The following MGAT4C variants were observed in gnomAD, a reference collection of about 807,000 sequenced individuals.
MGAT4C encodes the protein MGAT4 family member C.
In MGAT4C, 19 loss-of-function variants were observed where a neutral mutation model predicts 40.1. That is an observed-to-expected ratio of 0.47 (90% CI 0.33 to 0.70). The LOEUF (loss-of-function observed/expected upper bound fraction) is 0.70. Ranked by LOEUF, MGAT4C falls within the 30% of genes least tolerant of loss-of-function variation. The pLI is 0.02. For synonymous variants in MGAT4C, 181 were observed against 187.1 expected, an observed-to-expected ratio of 0.97 and a Z score of 0.27; for missense variants, 491 against 563.2, an observed-to-expected ratio of 0.87 and a Z score of 1.30.
chr12:86,524,896 G>T (rs928661704), intron 2 of MGAT4C, among the ~76,000 whole-genome samples: 5 of 152,050 alleles, frequency 3.3e-5, no homozygotes, highest in African/African-American at 9.7e-5. Flanking sequence ...CTCTTATAGT[G>T]TGTTTTCAGC....
chr12:86,159,661 C>T (rs188072297), intron 1 of MGAT4C, among the ~76,000 whole-genome samples: 6 of 151,976 alleles, frequency 3.9e-5, no homozygotes, highest in Admixed American at 1.3e-4. Flanking sequence ...TGAACCAGGG[C>T]TTTCGTTATG....
intron 1 of MGAT4C, among the ~76,000 whole-genome samples, chr12:86,814,729 C>A (rs1477408568): frequency 3.3e-5 from 5 of 151,820 alleles, no homozygotes; most frequent in African/African-American, 1.2e-4. Flanking sequence ...GGAAGAAGCC[C>A]TCTTGAATGG....
At chr12:86,818,892 A>C (rs1200994904) in intron 1 of MGAT4C, among the ~76,000 whole-genome samples, 4 of 151,106 alleles carry the variant, frequency 2.6e-5, no homozygotes, top group African/African-American at 9.7e-5. Flanking sequence ...TAATTATATG[A>C]ATGGTAAATA....
chr12:86,211,956 C>T (rs1390194813), intron 1 of MGAT4C, among the ~76,000 whole-genome samples: 1 of 152,102 alleles, frequency 6.6e-6, no homozygotes, highest in Non-Finnish European at 1.5e-5. Context: ...TGCTGGACAG[C>T]TTAGGAGTTG....
intron 2 of MGAT4C, among the ~76,000 whole-genome samples, chr12:86,702,127 T>G (rs1027489102): frequency 1.3e-5 from 2 of 151,680 alleles, no homozygotes; most frequent in Admixed American, 1.3e-4. Context: ...GCTTAAGAGA[T>G]CCTCCCACCT....
At chr12:86,209,695 G>T (rs906562246) in intron 1 of MGAT4C, among the ~76,000 whole-genome samples, 1 of 152,032 alleles carries the variant, frequency 6.6e-6, no homozygotes, top group African/African-American at 2.4e-5. Flanking sequence ...TCAAAGGCAG[G>T]CCTAGTCATT....
intron 2 of MGAT4C, among the ~76,000 whole-genome samples, chr12:86,684,739 T>C (rs1252304387): frequency 1.3e-5 from 2 of 152,206 alleles, no homozygotes; most frequent in East Asian, 3.9e-4. Context: ...TGGCATGAGA[T>C]GGTATCTCAT....
intron 2 of MGAT4C, among the ~76,000 whole-genome samples, chr12:86,625,967 G>C (rs1194853945): frequency 6.6e-6 from 1 of 151,980 alleles, no homozygotes; most frequent in Non-Finnish European, 1.5e-5. Flanking sequence ...AAAAAACCAA[G>C]ACCCACCTAT....
rs116336773 is a variant in MGAT4C at position 86,519,808 on chromosome 12, C to T, written c.-228-84543G>A. Among the ~76,000 whole-genome samples, 854 of 152,196 alleles carry T rather than the reference C, an allele frequency of 5.6e-3. 3 individuals are homozygous for T. The highest frequency in any genetic ancestry group is 0.02 in the African/African-American group (819 of 41,522). On this transcript the variant is annotated intron_variant, in intron 2 of 7. Coordinates refer to the MGAT4C transcript ENST00000548651. ...CTTTATATATTCTGGTTATTAATCC[C>T]ATATCCAACAGATAGTTTGTAAATA...
intron 2 of MGAT4C, among the ~76,000 whole-genome samples, chr12:86,588,476 C>A (rs192701066): frequency 6.6e-6 from 1 of 152,018 alleles, no homozygotes; most frequent in Non-Finnish European, 1.5e-5. Context: ...ACCCCACTGT[C>A]AACATTAGAC....
chr12:86,336,646 T>C (rs948737313), intron 3 of MGAT4C, among the ~76,000 whole-genome samples: 2 of 152,132 alleles, frequency 1.3e-5, no homozygotes, highest in African/African-American at 2.4e-5. Flanking sequence ...TTCATGGTAT[T>C]ATCCAGGCAA....
At chr12:86,350,072 C>A (rs1161009022) in intron 3 of MGAT4C, among the ~76,000 whole-genome samples, 1 of 151,988 alleles carries the variant, frequency 6.6e-6, no homozygotes, top group East Asian at 1.9e-4. Flanking sequence ...CTATGTAGTT[C>A]AAGAATTTGG....
chr12:86,014,747 G>A (rs1216699316), intron 2 of MGAT4C, among the ~76,000 whole-genome samples: 3 of 152,110 alleles, frequency 2.0e-5, no homozygotes. Context: ...GTTTTTATTT[G>A]TACTCTGCAT....
intron 2 of MGAT4C, among the ~76,000 whole-genome samples, chr12:86,468,025 A>G (rs888020051): frequency 3.9e-5 from 6 of 152,024 alleles, no homozygotes; most frequent in Admixed American, 3.9e-4. Context: ...CTCTACTTAC[A>G]CTTACTTCTA....
At chr12:86,792,622 A>T (rs1406100995) in intron 1 of MGAT4C, among the ~76,000 whole-genome samples, 1 of 152,118 alleles carries the variant, frequency 6.6e-6, no homozygotes, top group Non-Finnish European at 1.5e-5. Flanking sequence ...AAACTAGTGC[A>T]AGCTTGTGCA....
intron 1 of MGAT4C, among the ~76,000 whole-genome samples, chr12:86,826,599 A>AT (rs1468406676): frequency 6.6e-6 from 1 of 151,452 alleles, no homozygotes. Flanking sequence ...AGTTCATTGA[A>AT]TTTTTTATCC....
intron 1 of MGAT4C, among the ~76,000 whole-genome samples, chr12:86,814,024 C>A (rs368481232): frequency 2.6e-5 from 4 of 151,912 alleles, no homozygotes; most frequent in South Asian, 2.1e-4. Context: ...AATTCTCCTG[C>A]CTCAGCCTTC....
intron 3 of MGAT4C, among the ~76,000 whole-genome samples, chr12:85,984,082 G>A (rs1459484278): frequency 6.6e-6 from 1 of 152,130 alleles, no homozygotes; most frequent in Non-Finnish European, 1.5e-5. Flanking sequence ...CATATTGCCT[G>A]ATTTACTCTT....
intron 1 of MGAT4C, among the ~76,000 whole-genome samples, chr12:86,835,856 C>CA (rs899064771): frequency 5.0e-4 from 75 of 151,248 alleles, no homozygotes; most frequent in African/African-American, 1.7e-3. Flanking sequence ...AACCCCCCTC[C>CA]ACACACACAC....
Sources: allele counts gnomAD v4.1 joint callset (sites outside exome capture counted in the v4.1 genomes callset), GRCh38; gene constraint gnomAD v4.1.1; transcripts MANE v1.5; gene names NCBI Gene and HGNC (gene_info 2026-07-23, HGNC 2026-07-21).